Variants in ARHGAP6 observed in about 807,000 individuals in gnomAD.
ARHGAP6 encodes the protein rho GTPase-activating protein 6.
ARHGAP6 carries 16 observed loss-of-function variants against 55.7 expected under a neutral mutation model. The ratio of observed to expected loss-of-function variants is 0.29; its 90% CI spans 0.19 to 0.44. The LOEUF (loss-of-function observed/expected upper bound fraction) is 0.44, where lower values mean the gene tolerates loss of function less well. ARHGAP6 is among the 20% of genes least tolerant of loss of function. The pLI is 1.00. For synonymous variants in ARHGAP6, 382 were observed against 360.9 expected, an observed-to-expected ratio of 1.06 and a Z score of -0.66; for missense variants, 698 against 808.9, an observed-to-expected ratio of 0.86 and a Z score of 1.66.
At chrX:11,490,649 T>C (rs1217025175) in intron 1 of ARHGAP6, among the ~76,000 whole-genome samples, 1 of 112,339 alleles carries the variant, frequency 8.9e-6, no homozygotes, top group Non-Finnish European at 1.9e-5. Context: ...GATGGTGCTG[T>C]GATTTCAAAC....
At chrX:11,179,682 TGTA>T (rs1401901851) in intron 6 of ARHGAP6, among the ~76,000 whole-genome samples, 2 of 106,154 alleles carry the variant, frequency 1.9e-5, no homozygotes, top group Non-Finnish European at 3.9e-5. Flanking sequence ...AGTATACACA[TGTA>T]TATATGTATA....
At chrX:11,292,905 T>C (rs962999444) in intron 1 of ARHGAP6, among the ~76,000 whole-genome samples, 2 of 111,583 alleles carry the variant, frequency 1.8e-5, no homozygotes, top group Non-Finnish European at 3.8e-5. Context: ...AAGCAGATAA[T>C]AGAGCAGTGG....
intron 1 of ARHGAP6, among the ~76,000 whole-genome samples, chrX:11,611,699 A>G (rs2052103922): frequency 8.9e-6 from 1 of 112,027 alleles, no homozygotes; most frequent in South Asian, 3.7e-4. Flanking sequence ...CCTCTTTACA[A>G]TAGCCTGTCT....
At chrX:11,182,011 A>C in intron 6 of ARHGAP6, 52 bp downstream of exon 6, 1 of 1,021,931 alleles carries the variant, frequency 9.8e-7, no homozygotes, top group East Asian at 3.2e-5. Context: ...TGCAAAAGGT[A>C]ATTCAATTGA....
chrX:11,187,657 G>T (rs1376784089), intron 4 of ARHGAP6, among the ~76,000 whole-genome samples: 5 of 111,933 alleles, frequency 4.5e-5, no homozygotes, highest in Non-Finnish European at 9.4e-5. Flanking sequence ...ATTGAAAAAT[G>T]TTGGTTTTAA....
At chrX:11,189,074 A>T in intron 3 of ARHGAP6, 90 bp from the exon 4 acceptor site, 1 of 1,022,176 alleles carries the variant, frequency 9.8e-7, no homozygotes, top group Non-Finnish European at 1.3e-6. Context: ...AAGAACAGAC[A>T]TATTCAAAGG....
intron 1 of ARHGAP6, among the ~76,000 whole-genome samples, chrX:11,451,238 C>T (rs763906891): frequency 3.6e-5 from 4 of 111,920 alleles, no homozygotes; most frequent in Non-Finnish European, 5.6e-5. Flanking sequence ...CAAGATGTGG[C>T]TTTTCTTTCT....
In ARHGAP6 at chrX:11,181,648, AT is replaced by A. The variant is rs1281661278; in HGVS notation, c.1329+414del. On this transcript the variant is annotated intron_variant, in intron 6 of 12. Transcript: ENST00000337414. ...ACTTCATAAGAATTATTTATTTTTG[AT>A]AAAGTAAAGCTATAAACATAGCATC... Among the ~76,000 whole-genome samples the A allele has an allele frequency of 2.7e-5, 3 of 112,609 alleles. No individual in the cohort carries two copies. The Admixed American group carries it at 2.8e-4, about 11-fold the overall frequency.
intron 1 of ARHGAP6, among the ~76,000 whole-genome samples, chrX:11,637,594 A>C (rs761340803): frequency 9.0e-6 from 1 of 111,539 alleles, no homozygotes; most frequent in East Asian, 2.8e-4. Context: ...ACAAAGATAA[A>C]ATTAACTCTT....
At chrX:11,615,329 T>C (rs1189562906) in intron 1 of ARHGAP6, among the ~76,000 whole-genome samples, 1 of 112,246 alleles carries the variant, frequency 8.9e-6, no homozygotes, top group African/African-American at 3.2e-5. Flanking sequence ...CCTTTTCTCC[T>C]ACTACTCTTG....
chrX:11,564,816 C>G (rs186721082), intron 1 of ARHGAP6, among the ~76,000 whole-genome samples: 2 of 111,874 alleles, frequency 1.8e-5, no homozygotes, highest in East Asian at 5.6e-4. Flanking sequence ...CCACTAAAAA[C>G]AATCCCAAAA....
At position 11,537,961 on chromosome X, in the gene ARHGAP6, A is replaced by C. The variant is rs751906888; in HGVS notation, c.588+126280T>G. ...GGAACTCCTGGGAATAAAAAAAAAA[A>C]CCCAATAGTTCCTCAGACCATACTT... is the stretch of plus-strand genomic sequence containing the variant. On this transcript the variant is annotated intron_variant, in intron 1 of 12. Transcript: ENST00000337414. 9.9e-5 allele frequency among the ~76,000 whole-genome samples: 11 copies of C among 110,947 alleles called. No individual in the cohort carries two copies. The South Asian group carries it at 1.9e-3, about 19-fold the overall frequency.
At chrX:11,519,589 C>T (rs1468220406) in intron 1 of ARHGAP6, among the ~76,000 whole-genome samples, 1 of 110,653 alleles carries the variant, frequency 9.0e-6, no homozygotes, top group Non-Finnish European at 1.9e-5. Flanking sequence ...TCAAACTATA[C>T]TACAAGGCTA....
chrX:11,380,372 G>A (rs1353829080), intron 1 of ARHGAP6, among the ~76,000 whole-genome samples: 1 of 111,896 alleles, frequency 8.9e-6, no homozygotes, highest in Non-Finnish European at 1.9e-5. Context: ...TTCCCCATGA[G>A]TCACATTTGT....
chrX:11,200,442 TG>T (rs1481807333), intron 2 of ARHGAP6, among the ~76,000 whole-genome samples: 1 of 112,369 alleles, frequency 8.9e-6, no homozygotes, highest in Non-Finnish European at 1.9e-5. Flanking sequence ...CACATCCTAG[TG>T]ACCCCAAAGC....
At chrX:11,172,719 GT>G (rs901730961) in intron 8 of ARHGAP6, among the ~76,000 whole-genome samples, 1 of 110,782 alleles carries the variant, frequency 9.0e-6, no homozygotes, top group Non-Finnish European at 1.9e-5. Context: ...TTGTTTTATT[GT>G]TTTTTAACAG....
chrX:11,384,205 A>T (rs2049298805), intron 1 of ARHGAP6, among the ~76,000 whole-genome samples: 1 of 111,795 alleles, frequency 8.9e-6, no homozygotes, highest in South Asian at 3.8e-4. Flanking sequence ...GGTAGCCAAG[A>T]TTTTGGTCTC....
At chrX:11,202,037 G>GCC (rs1446953255) in intron 2 of ARHGAP6, among the ~76,000 whole-genome samples, 1 of 101,918 alleles carries the variant, frequency 9.8e-6, no homozygotes, top group African/African-American at 3.8e-5. Flanking sequence ...GTGTGTGTGT[G>GCC]TGTGTGTGTA....
At chrX:11,262,079 G>C (rs754433396) in intron 1 of ARHGAP6, among the ~76,000 whole-genome samples, 2 of 111,419 alleles carry the variant, frequency 1.8e-5, no homozygotes, top group Non-Finnish European at 3.8e-5. Context: ...CTATATATTC[G>C]TTTATATATC....
Sources: gnomAD v4.1 joint callset for allele counts (sites outside exome capture counted in the v4.1 genomes callset) on GRCh38, gnomAD v4.1.1 for gene constraint, MANE v1.5 for transcripts, NCBI Gene and HGNC (gene_info 2026-07-23, HGNC 2026-07-21) for gene names.